Variants in COBL observed in about 807,000 individuals in gnomAD.
COBL encodes the protein cordon-bleu WH2 repeat protein.
COBL carries 51 observed loss-of-function variants against 98.8 expected under a neutral mutation model. The ratio of observed to expected loss-of-function variants is 0.52; its 90% CI spans 0.41 to 0.65. The LOEUF (loss-of-function observed/expected upper bound fraction) is 0.65, where lower values mean the gene tolerates loss of function less well. Ranked by LOEUF, COBL falls within the 30% of genes least tolerant of loss-of-function variation. The pLI is 0.00. For synonymous variants in COBL, 634 were observed against 651.7 expected (o/e 0.97, Z 0.41); for missense variants, 1,617 against 1,617.5 (o/e 1.00, Z 0.01).
intron 5 of COBL, among the ~76,000 whole-genome samples, chr7:51,164,842 T>C (rs1787142340): frequency 6.6e-6 from 1 of 151,992 alleles, no homozygotes; most frequent in African/African-American, 2.4e-5. Context: ...AAGATATAAA[T>C]AGAAACAACG....
intron 6 of COBL, among the ~76,000 whole-genome samples, chr7:51,102,309 A>G (rs1357247526): frequency 1.3e-5 from 2 of 152,086 alleles, no homozygotes. Flanking sequence ...TCATTTTTGG[A>G]AGCATTTGCT....
chr7:51,154,885 T>C (rs1785965755), intron 5 of COBL, among the ~76,000 whole-genome samples: 1 of 152,246 alleles, frequency 6.6e-6, no homozygotes. Context: ...GGATATAAAG[T>C]ATTAACAAAC....
At chr7:51,211,668 C>A (rs959832606) in intron 2 of COBL, among the ~76,000 whole-genome samples, 14 of 152,202 alleles carry the variant, frequency 9.2e-5, no homozygotes, top group African/African-American at 3.4e-4. Flanking sequence ...AAAGCAACAT[C>A]TTTGAAGCAA....
intron 6 of COBL, among the ~76,000 whole-genome samples, chr7:51,111,567 G>A (rs79822607): frequency 0.027 from 4,064 of 152,216 alleles, 163 homozygotes; most frequent in African/African-American, 0.094. Flanking sequence ...GCCTCAGCAC[G>A]GAGTGTCCTC....
chr7:51,194,829 G>T (rs1179453026), intron 2 of COBL, among the ~76,000 whole-genome samples: 2 of 151,568 alleles, frequency 1.3e-5, no homozygotes, highest in Non-Finnish European at 2.9e-5. Context: ...AAGTTTTAGG[G>T]TACATGTGCA....
chr7:51,204,858 A>C (rs1447879071), intron 2 of COBL, among the ~76,000 whole-genome samples: 1 of 152,224 alleles, frequency 6.6e-6, no homozygotes, highest in Non-Finnish European at 1.5e-5. Flanking sequence ...CAAAAAAATC[A>C]GTGGCATTTC....
Position 51,291,691 on chromosome 7 carries a change from G to A in COBL, c.41+24902C>T, listed in dbSNP as rs138510571. On this transcript the variant is annotated intron_variant, in intron 1 of 12. Coordinates refer to ENST00000265136, the MANE Select transcript of COBL (RefSeq NM_015198.5). ...AAGGGGAATCACTTGAACCCAGGAA[G>A]TGGAGGTTGCAGTGAGCCGAGACCA... 4.7e-3 allele frequency among the ~76,000 whole-genome samples: 723 copies of A among 152,220 alleles called. 3 individuals are homozygous for A. Among genetic ancestry groups the A allele is most frequent in the African/African-American group, 0.016 (673 of 41,534 alleles).
At position 51,045,939 on chromosome 7, in the gene COBL, C is replaced by T. The variant is rs114063927; in HGVS notation, c.1097-2247G>A. Among the ~76,000 whole-genome samples, 314 of 152,318 alleles carry T rather than the reference C, an allele frequency of 2.1e-3. 1 individual carries two copies. The highest frequency in any genetic ancestry group is 6.7e-3 in the African/African-American group (278 of 41,572). On this transcript the variant is annotated intron_variant, in intron 7 of 12. Coordinates refer to ENST00000265136, the MANE Select transcript of COBL (RefSeq NM_015198.5). ...AAAATGACTAATGCGAGTGCTATTA[C>T]CAGAGCTCCCCTTTTGCCCAGGCCA...
intron 6 of COBL, among the ~76,000 whole-genome samples, chr7:51,110,886 C>T (rs755343108): frequency 1.3e-5 from 2 of 152,220 alleles, no homozygotes; most frequent in African/African-American, 2.4e-5. Context: ...TTTATGACTG[C>T]ATAGTATTCC....
At chr7:51,241,560 A>T (rs887770202) in intron 1 of COBL, among the ~76,000 whole-genome samples, 3 of 152,242 alleles carry the variant, frequency 2.0e-5, no homozygotes, top group Admixed American at 1.3e-4. Flanking sequence ...CCAGAGGAAG[A>T]GAAACAAGTT....
intron 7 of COBL, among the ~76,000 whole-genome samples, chr7:51,048,542 G>T (rs2128894435): frequency 6.6e-6 from 1 of 152,066 alleles, no homozygotes; most frequent in African/African-American, 2.4e-5. Flanking sequence ...TTAACAGGCA[G>T]AATTTTAGAG....
chr7:51,056,956 C>T (rs1161820784), intron 7 of COBL, among the ~76,000 whole-genome samples: 3 of 152,100 alleles, frequency 2.0e-5, no homozygotes, highest in Admixed American at 1.3e-4. Flanking sequence ...GAAATAAACA[C>T]TTGGTCAGTT....
intron 6 of COBL, among the ~76,000 whole-genome samples, chr7:51,100,110 TA>T (rs1795682889): frequency 6.6e-6 from 1 of 152,372 alleles, no homozygotes. Flanking sequence ...ACCTTGGCTT[TA>T]GTTACTAGAC....
chr7:51,027,152 C>T (rs749504191), intron 10 of COBL, among the ~76,000 whole-genome samples: 3 of 152,236 alleles, frequency 2.0e-5, no homozygotes, highest in Non-Finnish European at 2.9e-5. Context: ...CTTGGCCTCA[C>T]TGTGCCTCAG....
intron 8 of COBL, 93 bp from the exon 9 acceptor site, chr7:51,031,002 T>C: frequency 1.1e-6 from 1 of 886,962 alleles, no homozygotes; most frequent in Non-Finnish European, 1.9e-6. Context: ...GAACAGCTCA[T>C]ACTCAAATTC....
intron 1 of COBL, among the ~76,000 whole-genome samples, chr7:51,259,268 C>T (rs1435909576): frequency 2.2e-5 from 3 of 135,018 alleles, no homozygotes; most frequent in Non-Finnish European, 4.6e-5. Flanking sequence ...GGCTGGGGAA[C>T]AGAGTGAGAC....
rs551483863 is a variant in COBL, at chr7:51,177,913, G to A, written c.783+6189C>T. The stretch of plus-strand genomic sequence containing the variant: ...TAATCCCAGCACTTTGAGAGGTTGA[G>A]GTGGGTGGATCACATGAGAGTCAGG... On this transcript the variant is annotated intron_variant, in intron 5 of 12. Coordinates refer to ENST00000265136, the MANE Select transcript of COBL (RefSeq NM_015198.5). 1.2e-4 allele frequency among the ~76,000 whole-genome samples: 19 copies of A among 152,242 alleles called. 1 individual carries two copies. In the South Asian group the frequency reaches 2.3e-3, roughly 18 times the overall value.
At chr7:51,146,492 C>T (rs1440866596) in intron 5 of COBL, among the ~76,000 whole-genome samples, 1 of 152,136 alleles carries the variant, frequency 6.6e-6, no homozygotes, top group Non-Finnish European at 1.5e-5. Flanking sequence ...CATTTAACCT[C>T]AGTCCTTTCC....
chr7:51,170,515 A>G (rs1027403920), intron 5 of COBL, among the ~76,000 whole-genome samples: 1 of 146,838 alleles, frequency 6.8e-6, no homozygotes, highest in African/African-American at 2.5e-5. Flanking sequence ...TGATATATAT[A>G]TATATATATA....
Sources: gnomAD v4.1 joint callset for allele counts (sites outside exome capture counted in the v4.1 genomes callset) on GRCh38, gnomAD v4.1.1 for gene constraint, MANE v1.5 for transcripts, NCBI Gene and HGNC (gene_info 2026-07-23, HGNC 2026-07-21) for gene names.